Variants in TMEM178B observed in about 807,000 individuals in gnomAD.
The protein encoded by TMEM178B is transmembrane protein 178B.
Under a neutral mutation model 31.0 loss-of-function variants are expected in TMEM178B, and 5 were observed. The observed-to-expected ratio is 0.16, with a 90% CI of 0.08 to 0.34. The LOEUF (loss-of-function observed/expected upper bound fraction) is 0.34, where lower values mean the gene tolerates loss of function less well. Among genes scored for constraint, TMEM178B ranks in the 10% least tolerant of loss-of-function variants. The probability of loss-of-function intolerance (pLI) is 1.00; values close to 1 mark genes in which losing one functional copy is unlikely to be tolerated. For missense variants in TMEM178B, 275 were observed against 400.3 expected, an observed-to-expected ratio of 0.69 and a Z score of 2.67; for synonymous variants, 164 against 164.0, an observed-to-expected ratio of 1.00 and a Z score of 0.00.
intron 2 of TMEM178B, among the ~76,000 whole-genome samples, chr7:141,436,648 G>A (rs940607579): frequency 2.0e-5 from 3 of 152,002 alleles, no homozygotes; most frequent in Non-Finnish European, 4.4e-5. Flanking sequence ...GCTGGGGTGC[G>A]GTGGGCACGT....
At chr7:141,195,788 G>GT (rs1796773243) in intron 1 of TMEM178B, among the ~76,000 whole-genome samples, 1 of 152,306 alleles carries the variant, frequency 6.6e-6, no homozygotes, top group African/African-American at 2.4e-5. Flanking sequence ...TGAACTTACA[G>GT]TTCCACATGG....
At chr7:141,402,015 G>A (rs1223545793) in intron 2 of TMEM178B, among the ~76,000 whole-genome samples, 1 of 152,134 alleles carries the variant, frequency 6.6e-6, no homozygotes, top group Non-Finnish European at 1.5e-5. Flanking sequence ...GATGTTCTTA[G>A]CAATGTTTTC....
chr7:141,263,911 A>G (rs1798054893), intron 2 of TMEM178B, among the ~76,000 whole-genome samples: 2 of 152,260 alleles, frequency 1.3e-5, no homozygotes, highest in South Asian at 4.1e-4. Context: ...GTTGAATAAT[A>G]CAGATTAAAA....
chr7:141,137,446 C>CA (rs1795693718), intron 1 of TMEM178B, among the ~76,000 whole-genome samples: 1 of 152,036 alleles, frequency 6.6e-6, no homozygotes, highest in South Asian at 2.1e-4. Context: ...TTATGTTAAG[C>CA]AAAATAAGCC....
rs114254209 is a variant in TMEM178B, at chr7:141,412,200, G to A, written c.497-25408G>A. On this transcript the variant is annotated intron_variant, in intron 2 of 3. Coordinates refer to ENST00000565468, the MANE Select transcript of TMEM178B (RefSeq NM_001195278.2). ...TAAGGTCATTACGACAATTAAACGA[G>A]TTAAATGGAGAGTCCTTAGAACAGT... Among the ~76,000 whole-genome samples, 780 of 152,318 alleles carry A rather than the reference G, an allele frequency of 5.1e-3. 4 individuals carry two copies. Among genetic ancestry groups the A allele is most frequent in the African/African-American group, 0.017 (712 of 41,566 alleles).
chr7:141,432,209 C>G (rs1165941339), intron 2 of TMEM178B, among the ~76,000 whole-genome samples: 1 of 122,970 alleles, frequency 8.1e-6, no homozygotes, highest in Admixed American at 1.1e-4. Context: ...GGCTGGAGTA[C>G]AGTGGCATGA....
intron 2 of TMEM178B, among the ~76,000 whole-genome samples, chr7:141,392,800 G>A (rs906246185): frequency 6.6e-6 from 1 of 151,402 alleles, no homozygotes; most frequent in South Asian, 2.1e-4. Context: ...ATCTCTCTAG[G>A]TCCCTGGGAG....
At chr7:141,209,355 G>A (rs1473161599) in intron 1 of TMEM178B, among the ~76,000 whole-genome samples, 1 of 152,192 alleles carries the variant, frequency 6.6e-6, no homozygotes, top group African/African-American at 2.4e-5. Context: ...TCCAGGCAGG[G>A]AAGAGGTATT....
intron 2 of TMEM178B, among the ~76,000 whole-genome samples, chr7:141,222,127 G>A (rs946165409): frequency 6.6e-6 from 1 of 152,186 alleles, no homozygotes. Flanking sequence ...CAGGGAAGCA[G>A]GACCTGTATT....
At chr7:141,420,766 C>T (rs1801191994) in intron 2 of TMEM178B, among the ~76,000 whole-genome samples, 2 of 152,168 alleles carry the variant, frequency 1.3e-5, no homozygotes, top group Non-Finnish European at 2.9e-5. Flanking sequence ...GTTCCTCAGC[C>T]TTCCTCAAAA....
At chr7:141,158,671 C>T (rs1480331778) in intron 1 of TMEM178B, among the ~76,000 whole-genome samples, 1 of 152,172 alleles carries the variant, frequency 6.6e-6, no homozygotes, top group Non-Finnish European at 1.5e-5. Context: ...GCCTGGAGCC[C>T]AGCTGGGGAT....
chr7:141,405,928 C>T (rs1800877594), intron 2 of TMEM178B, among the ~76,000 whole-genome samples: 1 of 152,174 alleles, frequency 6.6e-6, no homozygotes, highest in African/African-American at 2.4e-5. Context: ...CTGTTGTGTT[C>T]AGTCCTCATT....
intron 1 of TMEM178B, among the ~76,000 whole-genome samples, chr7:141,141,325 C>A (rs914711919): frequency 6.6e-6 from 1 of 151,912 alleles, no homozygotes; most frequent in Admixed American, 6.6e-5. Context: ...GTACAAGATA[C>A]TCTAGAATCA....
At chr7:141,258,740 C>T (rs6978140) in intron 2 of TMEM178B, among the ~76,000 whole-genome samples, 16 of 151,998 alleles carry the variant, frequency 1.1e-4, no homozygotes, top group African/African-American at 3.1e-4. Flanking sequence ...CTTGGTTAAA[C>T]GAGTTTTTGT....
intron 1 of TMEM178B, among the ~76,000 whole-genome samples, chr7:141,083,501 G>GAC (rs1475326268): frequency 2.6e-4 from 35 of 136,602 alleles, no homozygotes; most frequent in Admixed American, 2.2e-3. Flanking sequence ...GAGAGAGAGA[G>GAC]AGAGACAGAC....
chr7:141,416,312 C>T (rs562635363), intron 2 of TMEM178B: 2 of 152,702 alleles, frequency 1.3e-5, no homozygotes, highest in African/African-American at 4.8e-5. Context: ...AAGGCCCTGA[C>T]TCTTTTTCTT....
At chr7:141,322,738 C>G (rs1054524049) in intron 2 of TMEM178B, among the ~76,000 whole-genome samples, 1 of 151,998 alleles carries the variant, frequency 6.6e-6, no homozygotes, top group Admixed American at 6.6e-5. Context: ...TGGAACATGG[C>G]CTTCGACTGA....
At chr7:141,376,347 G>A (rs1800213822) in intron 2 of TMEM178B, among the ~76,000 whole-genome samples, 2 of 152,156 alleles carry the variant, frequency 1.3e-5, no homozygotes, top group Non-Finnish European at 2.9e-5. Flanking sequence ...ATAAACATTT[G>A]TTATATTACC....
chr7:141,417,420 A>G (rs1801118502), intron 2 of TMEM178B, among the ~76,000 whole-genome samples: 1 of 152,250 alleles, frequency 6.6e-6, no homozygotes, highest in Non-Finnish European at 1.5e-5. Flanking sequence ...TGTCTTACCC[A>G]TCTTTGTCTC....
Sources: allele counts gnomAD v4.1 joint callset (sites outside exome capture counted in the v4.1 genomes callset), GRCh38; gene constraint gnomAD v4.1.1; transcripts MANE v1.5; gene names NCBI Gene and HGNC (gene_info 2026-07-23, HGNC 2026-07-21).